PMFBP1: variants seen among roughly 807,000 people sequenced by gnomAD.
PMFBP1 encodes polyamine-modulated factor 1-binding protein 1.
A neutral mutation model predicts 137.8 loss-of-function variants in PMFBP1; 131 were observed. The observed-to-expected ratio is 0.95, with a 90% CI of 0.82 to 1.10. The LOEUF (loss-of-function observed/expected upper bound fraction) is 1.10. PMFBP1 is among the 50% of genes least tolerant of loss of function. The probability of loss-of-function intolerance (pLI) is 0.00; values close to 1 mark genes in which losing one functional copy is unlikely to be tolerated. For synonymous variants in PMFBP1, 490 were observed against 450.4 expected (o/e 1.09, Z -1.11); for missense variants, 1,199 against 1,175.4 (o/e 1.02, Z -0.29).
chr16:72,210,606 A>T, the PMFBP1 span, among the ~76,000 whole-genome samples: 1 of 152,188 alleles, frequency 6.6e-6, no homozygotes, highest in Non-Finnish European at 1.5e-5. Flanking sequence ...CTGGCATAAT[A>T]TTCTTTTTCA....
At chr16:72,192,357 T>C in the PMFBP1 span, among the ~76,000 whole-genome samples, 15 of 152,196 alleles carry the variant, frequency 9.9e-5, no homozygotes, top group Non-Finnish European at 2.2e-4. Context: ...ATGCTAAATA[T>C]GTTATTGTAC....
intron 15 of PMFBP1, among the ~76,000 whole-genome samples, chr16:72,125,743 C>A (rs1285087740): frequency 1.3e-5 from 2 of 152,098 alleles, no homozygotes; most frequent in East Asian, 3.8e-4. Context: ...GAAAGGCTTG[C>A]TAGATTTGGT....
rs377065867 is a variant in PMFBP1 at position 72,150,829 on chromosome 16, C to T, written c.415G>A (p.Val139Met). Residue 139 changes from valine (V) to methionine (M), a missense_variant and splice_region_variant, in exon 5 of 21, where the codon GTG (valine) becomes ATG (methionine). Val to Met is a conservative substitution (Grantham distance 21). Coordinates refer to ENST00000237353, the MANE Select transcript of PMFBP1 (RefSeq NM_031293.3). The part of the protein sequence containing the change: ...HHHCKLKEDE[V>M]ILYEEEMGNH... ...CCCATTTCCTCCTCATAGAGAATCA[C>T]CTGTAGGTGTAGGAATAAATCCACA... The T allele has an allele frequency of 3.7e-6, 6 of 1,611,936 alleles. No homozygotes were observed. The African/African-American group carries it at 8.0e-5, about 22-fold the overall frequency.
chr16:72,119,400 T>C (rs377435824), intron 20 of PMFBP1, 46 bp from the exon 21 acceptor site: 39 of 1,613,862 alleles, frequency 2.4e-5, no homozygotes, highest in Non-Finnish European at 3.2e-5. Flanking sequence ...GAGGAGAAAT[T>C]AACGAGGTGA....
the PMFBP1 span, among the ~76,000 whole-genome samples, chr16:72,189,810 C>T: frequency 1.3e-5 from 2 of 152,156 alleles, no homozygotes; most frequent in African/African-American, 4.8e-5. Context: ...TCCCTGATAA[C>T]TCAGAGGGTA....
upstream of PMFBP1, among the ~76,000 whole-genome samples, chr16:72,178,300 T>C (rs1208356203): frequency 6.6e-6 from 1 of 152,206 alleles, no homozygotes; most frequent in Admixed American, 6.5e-5. Flanking sequence ...CTGGTTATGC[T>C]GGTGTCTACT....
At chr16:72,234,142 G>A in the PMFBP1 span, among the ~76,000 whole-genome samples, 7 of 152,252 alleles carry the variant, frequency 4.6e-5, no homozygotes, top group African/African-American at 1.4e-4. Context: ...TTAACATGTT[G>A]AGAAAGTGTT....
At chr16:72,185,789 T>C in the PMFBP1 span, among the ~76,000 whole-genome samples, 3 of 152,194 alleles carry the variant, frequency 2.0e-5, no homozygotes, top group African/African-American at 7.2e-5. Flanking sequence ...TCAAATTAAC[T>C]AATTTGCAGT....
the PMFBP1 span, among the ~76,000 whole-genome samples, chr16:72,241,092 T>C: frequency 6.6e-6 from 1 of 152,272 alleles, no homozygotes; most frequent in East Asian, 1.9e-4. Context: ...TTTAAATACC[T>C]CTTGGAGGAA....
At chr16:72,139,480 T>C in intron 6 of PMFBP1, 81 bp from the exon 7 acceptor site, 1 of 1,079,616 alleles carries the variant, frequency 9.3e-7, no homozygotes, top group Non-Finnish European at 1.4e-6. Context: ...AGAGTGTTCC[T>C]TTCTGCAGCA....
At chr16:72,187,080 T>C in the PMFBP1 span, among the ~76,000 whole-genome samples, 4 of 143,820 alleles carry the variant, frequency 2.8e-5, no homozygotes, top group Non-Finnish European at 6.0e-5. Context: ...ACCACTGCAC[T>C]CCAGGCTGGG....
chr16:72,198,080 C>T, the PMFBP1 span, among the ~76,000 whole-genome samples: 1 of 152,056 alleles, frequency 6.6e-6, no homozygotes, highest in African/African-American at 2.4e-5. Context: ...TTTCTTTTTG[C>T]CTTTTTCATA....
chr16:72,241,224 A>T, the PMFBP1 span, among the ~76,000 whole-genome samples: 2 of 152,128 alleles, frequency 1.3e-5, no homozygotes, highest in African/African-American at 4.8e-5. Flanking sequence ...GAAAACCCTC[A>T]TGCTTTTATA....
chr16:72,131,567 A>C (rs2042549462), intron 10 of PMFBP1, among the ~76,000 whole-genome samples: 1 of 152,186 alleles, frequency 6.6e-6, no homozygotes, highest in Non-Finnish European at 1.5e-5. Context: ...CTGTAGAGAA[A>C]GGGAGCTACA....
At chr16:72,121,378 C>T (rs1177842860) in intron 19 of PMFBP1, among the ~76,000 whole-genome samples, 1 of 152,208 alleles carries the variant, frequency 6.6e-6, no homozygotes, top group African/African-American at 2.4e-5. Flanking sequence ...TCCCCAAAGC[C>T]TTCAATATCC....
chr16:72,127,670 G>A (rs2042481775), intron 14 of PMFBP1, among the ~76,000 whole-genome samples: 2 of 152,166 alleles, frequency 1.3e-5, no homozygotes, highest in South Asian at 4.1e-4. Flanking sequence ...TCTAGTAAAA[G>A]TTCTAATAAA....
intron 10 of PMFBP1, among the ~76,000 whole-genome samples, chr16:72,131,412 G>A (rs901239747): frequency 2.6e-5 from 4 of 152,164 alleles, no homozygotes; most frequent in Non-Finnish European, 4.4e-5. Flanking sequence ...TGACATAAAA[G>A]AAAAACTGCT....
At chr16:72,169,804 AT>A (rs1204805877) in intron 2 of PMFBP1, among the ~76,000 whole-genome samples, 1 of 152,180 alleles carries the variant, frequency 6.6e-6, no homozygotes, top group Non-Finnish European at 1.5e-5. Context: ...TAATATAGAG[AT>A]AATTATGGCT....
chr16:72,193,675 C>A, the PMFBP1 span, among the ~76,000 whole-genome samples: 1 of 150,990 alleles, frequency 6.6e-6, no homozygotes, highest in African/African-American at 2.4e-5. Context: ...AAGAACTTTT[C>A]TCCCTTGCAG....
Sources: allele counts gnomAD v4.1 joint callset (sites outside exome capture counted in the v4.1 genomes callset), GRCh38; gene constraint gnomAD v4.1.1; transcripts MANE v1.5; gene names NCBI Gene and HGNC (gene_info 2026-07-23, HGNC 2026-07-21).